ASTN2: variants seen among roughly 807,000 people sequenced by gnomAD.
ASTN2 encodes the protein astrotactin 2.
In ASTN2, 54 loss-of-function variants were observed where a neutral mutation model predicts 139.8. That is an observed-to-expected ratio of 0.39 (90% CI 0.31 to 0.48). The LOEUF (loss-of-function observed/expected upper bound fraction) is 0.48, where lower values mean the gene tolerates loss of function less well. Ranked by LOEUF, ASTN2 falls within the 20% of genes least tolerant of loss-of-function variation. The probability of loss-of-function intolerance (pLI) is 0.95; values close to 1 mark genes in which losing one functional copy is unlikely to be tolerated. For synonymous variants in ASTN2, 756 were observed against 719.5 expected (o/e 1.05, Z -0.81); for missense variants, 1,565 against 1,725.1 (o/e 0.91, Z 1.64).
intron 3 of ASTN2, among the ~76,000 whole-genome samples, chr9:117,151,721 G>T (rs563777783): frequency 1.3e-5 from 2 of 152,194 alleles, no homozygotes; most frequent in East Asian, 1.9e-4. Flanking sequence ...AAGGGGCAAG[G>T]GTTATACAGA....
intron 3 of ASTN2, chr9:117,180,503 A>C (rs1831031836): frequency 1.6e-6 from 1 of 607,252 alleles, no homozygotes; most frequent in Non-Finnish European, 2.9e-6. Flanking sequence ...AGCACATTTG[A>C]ATGCCATTTC....
chr9:116,647,719 G>A (rs1483458428), intron 17 of ASTN2, among the ~76,000 whole-genome samples: 1 of 152,124 alleles, frequency 6.6e-6, no homozygotes, highest in Admixed American at 6.5e-5. Context: ...CAGTAAACAG[G>A]GATATTCACA....
intron 19 of ASTN2, chr9:116,546,164 T>C (rs1246694020): frequency 6.6e-6 from 1 of 152,142 alleles, no homozygotes. Context: ...ATACTGAGTA[T>C]TAGATGATGG....
intron 19 of ASTN2, among the ~76,000 whole-genome samples, chr9:116,510,294 T>G (rs1340045616): frequency 6.6e-6 from 1 of 152,334 alleles, no homozygotes; most frequent in Middle Eastern, 3.4e-3. Flanking sequence ...TCTTGTCAGG[T>G]TTGTCAAAGA....
At chr9:117,223,098 T>A (rs780709386) in intron 2 of ASTN2, among the ~76,000 whole-genome samples, 120 of 152,252 alleles carry the variant, frequency 7.9e-4, no homozygotes, top group Non-Finnish European at 1.5e-3. Context: ...GATCTAAAAT[T>A]TTTTTATGCC....
intron 19 of ASTN2, among the ~76,000 whole-genome samples, chr9:116,618,099 C>A (rs1428361309): frequency 6.6e-6 from 1 of 152,084 alleles, no homozygotes; most frequent in Non-Finnish European, 1.5e-5. Flanking sequence ...TTTTGAAGGT[C>A]CAACTCAGAG....
chr9:117,016,616 CTA>C lies in ASTN2; in HGVS notation c.1424-8359_1424-8358del, dbSNP rs1270792302. Among the ~76,000 whole-genome samples, 7 of 42,470 alleles carry C rather than the reference CTA, an allele frequency of 1.6e-4. 2 individuals carry two copies. The highest frequency in any genetic ancestry group is 5.2e-4 in the Admixed American group (2 of 3,816). The allele number at this position is 42,470 out of a possible 152,430, so 27.9% of individuals were successfully genotyped here. A position where few individuals can be genotyped will look rare whatever the true frequency, so the allele number is the denominator to read the frequency against. The stretch of plus-strand genomic sequence containing the variant: ...TTTATATATATATCTATATCTATAT[CTA>C]TCTATCTATATATATATATATATAT... On this transcript the variant is annotated intron_variant, in intron 6 of 22. Coordinates refer to ENST00000313400, the MANE Select transcript of ASTN2 (RefSeq NM_001365068.1).
chr9:116,815,289 A>T (rs950438519), intron 12 of ASTN2, among the ~76,000 whole-genome samples: 2 of 152,210 alleles, frequency 1.3e-5, no homozygotes, highest in Non-Finnish European at 2.9e-5. Flanking sequence ...TTAAAATTAC[A>T]TAAAGAGAAT....
chr9:117,379,558 G>A (rs1185906519), intron 1 of ASTN2, among the ~76,000 whole-genome samples: 1 of 152,144 alleles, frequency 6.6e-6, no homozygotes, highest in Non-Finnish European at 1.5e-5. Flanking sequence ...GTTTCTCTTG[G>A]GAGGAATAAT....
chr9:116,632,232 A>AGAAG (rs1564169221), intron 17 of ASTN2, among the ~76,000 whole-genome samples: 43 of 130,794 alleles, frequency 3.3e-4, no homozygotes, highest in South Asian at 1.5e-3. Flanking sequence ...AAAGAAAGAA[A>AGAAG]GAAAGAAAGA....
chr9:116,546,674 A>C (rs972756049), intron 19 of ASTN2: 40 of 152,200 alleles, frequency 2.6e-4, no homozygotes, highest in African/African-American at 9.2e-4. Flanking sequence ...ATTATAATAG[A>C]ATGGGGAAAT....
At chr9:116,882,082 C>T (rs1236635933) in intron 10 of ASTN2, among the ~76,000 whole-genome samples, 1 of 152,102 alleles carries the variant, frequency 6.6e-6, no homozygotes, top group Non-Finnish European at 1.5e-5. Context: ...TCCATCCATC[C>T]ACCCATCCAT....
intron 19 of ASTN2, among the ~76,000 whole-genome samples, chr9:116,500,617 C>T (rs531416377): frequency 6.6e-6 from 1 of 152,214 alleles, no homozygotes; most frequent in African/African-American, 2.4e-5. Flanking sequence ...GCAGAACAGA[C>T]AATATTGTGC....
At chr9:116,469,143 C>G (rs913309878) in intron 20 of ASTN2, among the ~76,000 whole-genome samples, 10 of 152,036 alleles carry the variant, frequency 6.6e-5, no homozygotes, top group African/African-American at 2.2e-4. Context: ...CTGAGTTGTA[C>G]AGAGAAAAAG....
chr9:116,946,856 A>G (rs1271581793), intron 10 of ASTN2, among the ~76,000 whole-genome samples: 1 of 148,614 alleles, frequency 6.7e-6, no homozygotes, highest in East Asian at 2.1e-4. Context: ...GCTTTTCCCC[A>G]TGCCACCCCC....
At chr9:116,854,998 GT>G (rs1448818343) in intron 11 of ASTN2, among the ~76,000 whole-genome samples, 1 of 151,762 alleles carries the variant, frequency 6.6e-6, no homozygotes, top group Non-Finnish European at 1.5e-5. Context: ...GAATCAAAGG[GT>G]AAAACCCATC....
Position 117,377,063 on chromosome 9 carries a change from G to A in ASTN2, c.442+37434C>T, listed in dbSNP as rs529132920. ...AGCTCAGCCATCCATCAGACCAAGA[G>A]GGGATAAATGCAATGCATTATTCAG... is the stretch of plus-strand genomic sequence containing the variant. On this transcript the variant is annotated intron_variant, in intron 1 of 22. Transcript: ENST00000313400. Among the ~76,000 whole-genome samples, 25 of 152,338 alleles carry A rather than the reference G, an allele frequency of 1.6e-4. No individual in the cohort carries two copies. In the East Asian group the frequency reaches 1.9e-3, roughly 12 times the overall value.
At chr9:116,845,172 T>C (rs908650311) in intron 11 of ASTN2, among the ~76,000 whole-genome samples, 5 of 152,200 alleles carry the variant, frequency 3.3e-5, no homozygotes, top group Non-Finnish European at 5.9e-5. Flanking sequence ...TGGAGTGTGG[T>C]GGTGCGATCT....
chr9:117,281,875 C>T (rs1210882305), intron 2 of ASTN2, among the ~76,000 whole-genome samples: 2 of 152,168 alleles, frequency 1.3e-5, no homozygotes, highest in African/African-American at 2.4e-5. Context: ...CTGCTGGATG[C>T]TGTCTGGGCT....
Sources: gnomAD v4.1 joint callset for allele counts (sites outside exome capture counted in the v4.1 genomes callset) on GRCh38, gnomAD v4.1.1 for gene constraint, MANE v1.5 for transcripts, NCBI Gene and HGNC (gene_info 2026-07-23, HGNC 2026-07-21) for gene names.